The following PLPPR4 variants were observed in gnomAD, a reference collection of about 807,000 sequenced individuals.
PLPPR4 encodes the protein phospholipid phosphatase-related protein type 4.
In PLPPR4, 24 loss-of-function variants were observed where a neutral mutation model predicts 56.6. The observed-to-expected ratio is 0.42, with a 90% CI of 0.31 to 0.60. PLPPR4 has a LOEUF of 0.60. Ranked by LOEUF, PLPPR4 falls within the 20% of genes least tolerant of loss-of-function variation. The probability of loss-of-function intolerance (pLI) is 0.13; values close to 1 mark genes in which losing one functional copy is unlikely to be tolerated. For missense variants in PLPPR4, 654 were observed against 885.8 expected, an observed-to-expected ratio of 0.74 and a Z score of 3.32; for synonymous variants, 326 against 328.1, an observed-to-expected ratio of 0.99 and a Z score of 0.07.
chr1:99,278,257 C>A (rs986032250), intron 1 of PLPPR4, among the ~76,000 whole-genome samples: 16 of 152,038 alleles, frequency 1.1e-4, no homozygotes, highest in Admixed American at 9.8e-4. Context: ...TAACCTTATA[C>A]AAATCATGGA....
Position 99,308,154 on chromosome 1 carries a change from T to TC in PLPPR4, c.*1145dup, listed in dbSNP as rs1343243346. 1 of 152,148 alleles carries TC rather than the reference T, an allele frequency of 6.6e-6. No individual in the cohort carries two copies. Among genetic ancestry groups the TC allele is most frequent in the Non-Finnish European group, 1.5e-5 (1 of 68,026 alleles). 9.4% of individuals were successfully genotyped at this position (152,148 alleles called of 1,614,324 possible). ...GGTTCTACATTATTAACTTTTTTTTTCTATATCCTGATGACCAGTAAATTA... is the reference window on the plus strand; with the variant it reads ...GGTTCTACATTATTAACTTTTTTTTTCCTATATCCTGATGACCAGTAAATTA... On this transcript the variant is annotated 3_prime_UTR_variant, in exon 7 of 7. Coordinates refer to ENST00000370185, the MANE Select transcript of PLPPR4 (RefSeq NM_014839.5).
rs768582991 is a variant in PLPPR4 at position 99,306,272 on chromosome 1, A to T, written c.1410A>T (p.Gly470=). The change falls in exon 7 of 7, where the codon GGA becomes GGT. Residue 470 remains glycine, a synonymous_variant. Coordinates refer to ENST00000370185, the MANE Select transcript of PLPPR4 (RefSeq NM_014839.5). The surrounding 1 kb of genome is among the most constrained non-coding windows in gnomAD (Gnocchi z 4.0). The stretch of plus-strand genomic sequence containing the variant: ...CCGGATGTAACAACAGCATGCCTGG[A>T]GGGCCAAGAGTGTCCATTCAGTCCC... ...AVPGCNNSMP[G]GPRVSIQSRP... is the part of the protein sequence containing the mutation. The T allele has an allele frequency of 1.9e-6, 3 of 1,614,038 alleles. No individual in the cohort carries two copies. The Admixed American group carries it at 5.0e-5, about 27-fold the overall frequency.
chr1:99,279,115 T>C (rs1228756597), intron 1 of PLPPR4, among the ~76,000 whole-genome samples: 2 of 152,226 alleles, frequency 1.3e-5, no homozygotes, highest in Admixed American at 6.5e-5. Flanking sequence ...GTTTACTGTA[T>C]ATTGGGGACA....
chr1:99,286,594 C>T (rs886728720), intron 1 of PLPPR4, among the ~76,000 whole-genome samples: 4 of 151,986 alleles, frequency 2.6e-5, no homozygotes, highest in African/African-American at 7.3e-5. Flanking sequence ...TTGGGTAAAG[C>T]GTGCAGAAAG....
chr1:99,296,098 A>G (rs567224009), intron 2 of PLPPR4, among the ~76,000 whole-genome samples: 1 of 152,318 alleles, frequency 6.6e-6, no homozygotes, highest in African/African-American at 2.4e-5. Context: ...CTACTGTATG[A>G]CATTGTGAAT....
intron 6 of PLPPR4, 100 bp from the exon 7 acceptor site, chr1:99,305,585 G>A: frequency 9.1e-7 from 1 of 1,096,816 alleles, no homozygotes; most frequent in Non-Finnish European, 1.3e-6. Context: ...ATGGTGTATA[G>A]GAAGCATATA....
In PLPPR4 at chr1:99,306,128, G is replaced by T. The variant is rs1417275340; in HGVS notation, c.1266G>T (p.Gly422=). The T allele has an allele frequency of 6.2e-7, 1 of 1,614,126 alleles. No individual in the cohort carries two copies. Among genetic ancestry groups the T allele is most frequent in the East Asian group, 2.2e-5 (1 of 44,854 alleles). ...TGCAAGTTATAGAGCCTGAGCCTGG[G>T]CAGTCACCACCCAGATCCATAGAAA... ...LSLQVIEPEP[G]QSPPRSIEMR... The change falls in exon 7 of 7, where the codon GGG becomes GGT. Residue 422 remains glycine (G), a synonymous_variant. Coordinates refer to ENST00000370185, the MANE Select transcript of PLPPR4 (RefSeq NM_014839.5). The surrounding 1 kb of genome is among the most constrained non-coding windows in gnomAD (Gnocchi z 4.0).
chr1:99,282,917 G>GAT (rs549735535), intron 1 of PLPPR4, among the ~76,000 whole-genome samples: 514 of 147,530 alleles, frequency 3.5e-3, no homozygotes, highest in Non-Finnish European at 6.1e-3. Context: ...TGTTCTTTCT[G>GAT]ATATATATAT....
At chr1:99,302,518 AT>A (rs1659908589) in intron 6 of PLPPR4, among the ~76,000 whole-genome samples, 7 of 151,058 alleles carry the variant, frequency 4.6e-5, no homozygotes, top group African/African-American at 1.7e-4. Flanking sequence ...TTTTATTATT[AT>A]TATTATTATT....
At chr1:99,285,683 A>G (rs561847771) in intron 1 of PLPPR4, among the ~76,000 whole-genome samples, 1 of 152,314 alleles carries the variant, frequency 6.6e-6, no homozygotes, top group East Asian at 1.9e-4. Context: ...GGAATAGAAG[A>G]CATAATGCTG....
At chr1:99,290,298 T>C (rs113795642) in intron 2 of PLPPR4, among the ~76,000 whole-genome samples, 7,023 of 151,946 alleles carry the variant, frequency 0.046, 231 homozygotes, top group East Asian at 0.14. Context: ...AGAGATGACA[T>C]AAACAAATGG....
chr1:99,306,550 C>A lies in PLPPR4; in HGVS notation c.1688C>A (p.Thr563Asn), dbSNP rs1261198665. Reference protein sequence around the residue: ...VSCTGSIRYKTLTDHEPSGIV... With the variant: ...VSCTGSIRYKNLTDHEPSGIV... The stretch of plus-strand genomic sequence containing the variant: ...TGCACTGGCTCCATCCGCTATAAAA[C>A]CTTGACAGACCATGAGCCCAGTGGG... Residue 563 changes from threonine to asparagine, a missense_variant, in exon 7 of 7, where the codon ACC (threonine) becomes AAC (asparagine). Transcript: ENST00000370185. The surrounding 1 kb of genome is among the most constrained non-coding windows in gnomAD (Gnocchi z 4.0). 6.2e-7 allele frequency: 1 copy of A among 1,613,996 alleles called. No homozygotes were observed. Among genetic ancestry groups the A allele is most frequent in the Non-Finnish European group, 8.5e-7 (1 of 1,180,034 alleles).
intron 4 of PLPPR4, among the ~76,000 whole-genome samples, chr1:99,299,695 CAT>C (rs998265339): frequency 1.3e-5 from 2 of 151,838 alleles, no homozygotes; most frequent in African/African-American, 4.8e-5. Flanking sequence ...TCTAAGATTG[CAT>C]ATGTTTTCTT....
At chr1:99,287,466 T>C (rs145284666) in intron 1 of PLPPR4, among the ~76,000 whole-genome samples, 1 of 152,306 alleles carries the variant, frequency 6.6e-6, no homozygotes, top group Non-Finnish European at 1.5e-5. Context: ...GGAATTGCCA[T>C]ACTGTCTTCC....
chr1:99,280,087 T>C (rs1659283999), intron 1 of PLPPR4, among the ~76,000 whole-genome samples: 1 of 152,106 alleles, frequency 6.6e-6, no homozygotes, highest in African/African-American at 2.4e-5. Context: ...AAACTGCACC[T>C]TTCCCCTAGG....
intron 2 of PLPPR4, among the ~76,000 whole-genome samples, chr1:99,294,567 A>T (rs1004024724): frequency 5.3e-5 from 8 of 151,916 alleles, no homozygotes; most frequent in African/African-American, 1.9e-4. Context: ...TTGGTGGTGC[A>T]TGCCTATATT....
At chr1:99,264,107 C>CT (rs1420865372), upstream of PLPPR4, 2 of 292,700 alleles carry the variant, frequency 6.8e-6, no homozygotes, top group African/African-American at 4.4e-5. Flanking sequence ...CCTTAGCATT[C>CT]TTTAATAGCA....
At chr1:99,274,788 A>G (rs1171315368) in intron 1 of PLPPR4, among the ~76,000 whole-genome samples, 1 of 152,146 alleles carries the variant, frequency 6.6e-6, no homozygotes, top group East Asian at 1.9e-4. Flanking sequence ...TGGTAGGCCC[A>G]TAATCTGTAA....
At chr1:99,295,046 T>A (rs1202151024) in intron 2 of PLPPR4, among the ~76,000 whole-genome samples, 1 of 152,240 alleles carries the variant, frequency 6.6e-6, no homozygotes, top group Non-Finnish European at 1.5e-5. Flanking sequence ...GTATAGAACC[T>A]ATTGAATTTC....
Sources: gnomAD v4.1 joint callset for allele counts (sites outside exome capture counted in the v4.1 genomes callset) on GRCh38, gnomAD v4.1.1 for gene constraint, Gnocchi (gnomAD v3.1) non-coding constraint, MANE v1.5 for transcripts, NCBI Gene and HGNC (gene_info 2026-07-23, HGNC 2026-07-21) for gene names.